The following MED31 variants were observed in gnomAD, a reference collection of about 807,000 sequenced individuals.
MED31 encodes mediator of RNA polymerase II transcription subunit 31.
Under a neutral mutation model 22.0 loss-of-function variants are expected in MED31, and 11 were observed. The observed-to-expected ratio is 0.50, with a 90% confidence interval of 0.31 to 0.83. The LOEUF (loss-of-function observed/expected upper bound fraction) is 0.83. Ranked by LOEUF, MED31 falls within the 40% of genes least tolerant of loss-of-function variation. MED31 has a pLI of 0.04. For missense variants in MED31, 122 were observed against 155.3 expected, an observed-to-expected ratio of 0.79 and a Z score of 1.14; for synonymous variants, 60 against 55.1, an observed-to-expected ratio of 1.09 and a Z score of -0.40.
intron 3 of MED31, among the ~76,000 whole-genome samples, chr17:6,646,476 G>A (rs548139790): frequency 6.6e-6 from 1 of 152,328 alleles, no homozygotes; most frequent in Non-Finnish European, 1.5e-5. Flanking sequence ...AAATTGTTCT[G>A]CTTTGAGATG....
intron 1 of MED31, among the ~76,000 whole-genome samples, chr17:6,651,026 CAGG>C (rs962380388): frequency 2.0e-5 from 3 of 146,438 alleles, no homozygotes; most frequent in African/African-American, 7.7e-5. Flanking sequence ...GAGGCTGAGG[CAGG>C]AGAATGGCGT....
chr17:6,650,509 C>A, intron 1 of MED31, 76 bp from the exon 2 acceptor site: 3 of 1,371,232 alleles, frequency 2.2e-6, no homozygotes, highest in Admixed American at 1.9e-5. Flanking sequence ...AAGGAAAGAG[C>A]AATAAAGAAA....
chr17:6,648,927 C>T (rs1467264462), intron 3 of MED31, among the ~76,000 whole-genome samples: 1 of 152,188 alleles, frequency 6.6e-6, no homozygotes. Context: ...AACACTGAGT[C>T]TGTAAATCTA....
intron 3 of MED31, among the ~76,000 whole-genome samples, chr17:6,649,135 T>G (rs1376174405): frequency 6.6e-6 from 1 of 152,054 alleles, no homozygotes; most frequent in African/African-American, 2.4e-5. Flanking sequence ...AACTTTTTTT[T>G]TTTTTTAAAG....
rs1972818869 is a variant in MED31 at position 6,650,389 on chromosome 17, C to G, written c.73G>C (p.Val25Leu). 2 of 1,614,084 alleles carry G rather than the reference C, an allele frequency of 1.2e-6. No individual in the cohort carries two copies. The highest frequency in any genetic ancestry group is 1.7e-6 in the Non-Finnish European group (2 of 1,179,984). Residue 25 changes from valine to leucine, a missense_variant, in exon 2 of 4, where the codon GTG becomes CTG. By Grantham distance (32) the Val-to-Leu change is conservative (BLOSUM62 1). Coordinates refer to ENST00000225728, the MANE Select transcript of MED31 (RefSeq NM_016060.3). ...RLRFQLELEFVQCLANPNYLN... is the reference protein window; with the variant it reads ...RLRFQLELEFLQCLANPNYLN... ...TAATTTGGGTTGGCTAAACATTGCA[C>G]AAATTCCAACTCCAACTGAAACCGA... is the stretch of plus-strand genomic sequence containing the variant.
intron 3 of MED31, among the ~76,000 whole-genome samples, chr17:6,647,977 A>G (rs1972785456): frequency 6.6e-6 from 1 of 152,254 alleles, no homozygotes; most frequent in Non-Finnish European, 1.5e-5. Flanking sequence ...AAATAGAAGC[A>G]GTATAAAAGG....
intron 3 of MED31, 197 bp downstream of exon 3, chr17:6,649,785 G>A: frequency 4.2e-6 from 2 of 477,090 alleles, no homozygotes; most frequent in African/African-American, 2.0e-5. Context: ...GGGGCAGGAA[G>A]GTAAAAGTGG....
chr17:6,645,760 CTAAT>C (rs1972759352), intron 3 of MED31, among the ~76,000 whole-genome samples: 1 of 152,102 alleles, frequency 6.6e-6, no homozygotes, highest in Non-Finnish European at 1.5e-5. Flanking sequence ...GAATTCCAAA[CTAAT>C]AAATGCAGAA....
intron 3 of MED31, among the ~76,000 whole-genome samples, chr17:6,646,202 A>AG (rs1972764882): frequency 6.6e-6 from 1 of 152,258 alleles, no homozygotes; most frequent in South Asian, 2.1e-4. Context: ...TCTGTAGATT[A>AG]GGTAATAATA....
At chr17:6,650,467 AAAGGTCACT>A in intron 1 of MED31, 34 bp from the exon 2 acceptor site, 1 of 1,593,420 alleles carries the variant, frequency 6.3e-7, no homozygotes, top group Non-Finnish European at 8.6e-7. Context: ...CATGGAAAAC[AAAGGTCACT>A]GTATATAATA....
chr17:6,650,143 C>G (rs1972815036), intron 2 of MED31, 65 bp from the exon 3 acceptor site: 2 of 1,458,578 alleles, frequency 1.4e-6, no homozygotes, highest in African/African-American at 1.4e-5. Flanking sequence ...TTTGTTACCC[C>G]TAATATAAAG....
chr17:6,645,400 T>G (rs1486064040), intron 3 of MED31, among the ~76,000 whole-genome samples: 1 of 152,170 alleles, frequency 6.6e-6, no homozygotes. Context: ...CTAGAAGCAA[T>G]GACACTGTGG....
chr17:6,646,774 C>A (rs1466024399), intron 3 of MED31, among the ~76,000 whole-genome samples: 1 of 152,194 alleles, frequency 6.6e-6, no homozygotes, highest in African/African-American at 2.4e-5. Context: ...AAAGACCTTA[C>A]ATCCCCCAGC....
rs138478189 is a variant in MED31, at chr17:6,644,082, T to G, written c.*385A>C. ...TGGTAGAGTAGTTGATCTGAGACAG[T>G]AAGGTTCCAGGAGATGGTCTTGCCC... On this transcript the variant is annotated 3_prime_UTR_variant, in exon 4 of 4. Coordinates refer to ENST00000225728, the MANE Select transcript of MED31 (RefSeq NM_016060.3). 3.3e-4 allele frequency: 133 copies of G among 408,184 alleles called. No individual in the cohort carries two copies. Among genetic ancestry groups the G allele is most frequent in the African/African-American group, 2.3e-3 (111 of 48,806 alleles). The allele number at this position is 408,184 out of a possible 1,614,324, so 25.3% of individuals were successfully genotyped here.
In MED31 at chr17:6,644,620, A is replaced by G. The variant is rs756055146; in HGVS notation, c.243T>C (p.Tyr81=). 1.9e-6 allele frequency: 3 copies of G among 1,610,678 alleles called. No individual in the cohort carries two copies. Among genetic ancestry groups the G allele is most frequent in the South Asian group, 2.2e-5 (2 of 90,104 alleles). ...QCLHMLELLQ[Y]EHFRKELVNA... ...TCACCAGCTCCTTTCGGAAGTGTTC[A>G]TATTGGAGCAGCTCTAACATGTGTA... The change falls in exon 4 of 4, where the codon TAT becomes TAC. Residue 81 remains tyrosine, a synonymous_variant. Transcript: ENST00000225728.
rs867131113 is a variant in MED31, at chr17:6,644,080, A to G, written c.*387T>C. On this transcript the variant is annotated 3_prime_UTR_variant, in exon 4 of 4. Coordinates refer to ENST00000225728, the MANE Select transcript of MED31 (RefSeq NM_016060.3). ...AGTGGTAGAGTAGTTGATCTGAGAC[A>G]GTAAGGTTCCAGGAGATGGTCTTGC... 7.3e-6 allele frequency: 3 copies of G among 408,176 alleles called. No individual in the cohort carries two copies. Among genetic ancestry groups the G allele is most frequent in the Middle Eastern group, 6.3e-4 (1 of 1,598 alleles). The allele number at this position is 408,176 out of a possible 1,614,324, so 25.3% of individuals were successfully genotyped here.
intron 3 of MED31, among the ~76,000 whole-genome samples, chr17:6,647,912 T>C (rs1198394454): frequency 1.3e-5 from 2 of 152,228 alleles, no homozygotes; most frequent in Non-Finnish European, 2.9e-5. Flanking sequence ...TATATCAGAA[T>C]ACCTTAGATG....
At chr17:6,651,342 A>G in intron 1 of MED31, 159 bp downstream of exon 1, 1 of 997,986 alleles carries the variant, frequency 1.0e-6, no homozygotes, top group South Asian at 1.8e-5. Flanking sequence ...AAAACTGCAA[A>G]GAGTACCTTA....
Position 6,644,518 on chromosome 17 carries a change from A to G in MED31, c.345T>C (p.Leu115=). 6.2e-7 allele frequency: 1 copy of G among 1,610,374 alleles called. No individual in the cohort carries two copies. Among genetic ancestry groups the G allele is most frequent in the Non-Finnish European group, 8.5e-7 (1 of 1,179,080 alleles). ...WQHYSRKRMR[L]QQALAEQQQQ... is the part of the protein sequence containing the mutation. ...GTTGCTGCTCTGCCAAGGCTTGCTG[A>G]AGGCGCATCCGCTTCCGGGAATAGT... Residue 115 remains leucine (L), a synonymous_variant, in exon 4 of 4, where the codon CTT becomes CTC. Coordinates refer to ENST00000225728, the MANE Select transcript of MED31 (RefSeq NM_016060.3).
Sources: gnomAD v4.1 joint callset for allele counts (sites outside exome capture counted in the v4.1 genomes callset) on GRCh38, gnomAD v4.1.1 for gene constraint, MANE v1.5 for transcripts, NCBI Gene and HGNC (gene_info 2026-07-23, HGNC 2026-07-21) for gene names.